CELF2: variants seen among roughly 807,000 people sequenced by gnomAD.
CELF2 encodes CUG triplet repeat RNA-binding protein 2.
In CELF2, 8 loss-of-function variants were observed where a neutral mutation model predicts 62.6. The ratio of observed to expected loss-of-function variants is 0.13; its 90% CI spans 0.07 to 0.23. CELF2 has a LOEUF of 0.23. Among genes scored for constraint, CELF2 ranks in the 10% least tolerant of loss-of-function variants. The pLI is 1.00. For synonymous variants in CELF2, 258 were observed against 250.0 expected, an observed-to-expected ratio of 1.03 and a Z score of -0.30; for missense variants, 333 against 671.0, an observed-to-expected ratio of 0.50 and a Z score of 5.56.
intron 1 of CELF2, among the ~76,000 whole-genome samples, chr10:11,074,382 C>T (rs1453556650): frequency 1.3e-5 from 2 of 152,124 alleles, no homozygotes; most frequent in African/African-American, 4.8e-5. Context: ...CTGTCGCTTC[C>T]AGCCTAGGTC....
the CELF2 span, among the ~76,000 whole-genome samples, chr10:10,472,069 C>T: frequency 4.0e-5 from 6 of 151,784 alleles, no homozygotes; most frequent in African/African-American, 9.6e-5. Context: ...AAGGTGCTTA[C>T]GAATAGTTTT....
At chr10:10,775,000 T>A in the CELF2 span, among the ~76,000 whole-genome samples, 3 of 152,024 alleles carry the variant, frequency 2.0e-5, no homozygotes, top group Non-Finnish European at 1.5e-5. Flanking sequence ...TGCCTCAGCC[T>A]CCCGAGTAGC....
chr10:10,571,567 G>A, the CELF2 span, among the ~76,000 whole-genome samples: 2 of 152,120 alleles, frequency 1.3e-5, no homozygotes, highest in Admixed American at 6.6e-5. Context: ...TAATAAAAGC[G>A]ACCATGGGTT....
At chr10:11,031,165 A>G (rs1246944931) in intron 1 of CELF2, among the ~76,000 whole-genome samples, 1 of 152,148 alleles carries the variant, frequency 6.6e-6, no homozygotes, top group Non-Finnish European at 1.5e-5. Context: ...CTCAGGTGGC[A>G]TTTTGTCCCC....
intron 2 of CELF2, among the ~76,000 whole-genome samples, chr10:11,195,965 G>A (rs3243): frequency 0.58 from 87,958 of 151,414 alleles, 26,790 homozygotes; most frequent in Non-Finnish European, 0.68. Flanking sequence ...TTTGAACATG[G>A]CAAAACAAAG....
At chr10:10,462,981 A>G in the CELF2 span, among the ~76,000 whole-genome samples, 2 of 152,258 alleles carry the variant, frequency 1.3e-5, no homozygotes, top group South Asian at 4.1e-4. Flanking sequence ...GGTACCTTGC[A>G]GACCATAACG....
At chr10:11,164,960 C>A in intron 1 of CELF2, 1 of 605,540 alleles carries the variant, frequency 1.7e-6, no homozygotes, top group Non-Finnish European at 2.1e-6. Flanking sequence ...GACGGACTGC[C>A]AAGTGTTTCA....
intron 1 of CELF2, among the ~76,000 whole-genome samples, chr10:11,058,978 T>G (rs950326959): frequency 6.6e-6 from 1 of 152,168 alleles, no homozygotes; most frequent in African/African-American, 2.4e-5. Context: ...ACGGGGGGTT[T>G]CGCCATCTTG....
At chr10:10,784,796 G>C in the CELF2 span, 2 of 152,236 alleles carry the variant, frequency 1.3e-5, no homozygotes, top group Non-Finnish European at 2.9e-5. Context: ...TTTCTGTTTT[G>C]AGGGTGGGGC....
chr10:10,601,010 C>T, the CELF2 span, among the ~76,000 whole-genome samples: 1 of 152,270 alleles, frequency 6.6e-6, no homozygotes, highest in African/African-American at 2.4e-5. Flanking sequence ...TCTGGGAAGA[C>T]ATCGTACAGC....
chr10:10,742,115 G>T, the CELF2 span, among the ~76,000 whole-genome samples: 2 of 152,160 alleles, frequency 1.3e-5, no homozygotes, highest in East Asian at 1.9e-4. Context: ...GTAATTGATA[G>T]GTTCTTGGAA....
intron 1 of CELF2, among the ~76,000 whole-genome samples, chr10:10,858,123 G>T (rs887663398): frequency 9.2e-5 from 14 of 152,196 alleles, no homozygotes; most frequent in Admixed American, 5.2e-4. Context: ...GTCCCAGAAA[G>T]GTTTGAGGAC....
the CELF2 span, among the ~76,000 whole-genome samples, chr10:10,623,529 G>A: frequency 1.3e-5 from 2 of 152,288 alleles, no homozygotes; most frequent in African/African-American, 4.8e-5. Flanking sequence ...CCTGGTTACA[G>A]CAGTCCCCAA....
At chr10:10,694,958 C>T in the CELF2 span, among the ~76,000 whole-genome samples, 5 of 151,262 alleles carry the variant, frequency 3.3e-5, no homozygotes, top group African/African-American at 1.2e-4. Flanking sequence ...GGTCTTGACT[C>T]TTTATCCAAT....
At chr10:11,194,326 A>G (rs992661813) in intron 2 of CELF2, among the ~76,000 whole-genome samples, 2 of 152,040 alleles carry the variant, frequency 1.3e-5, no homozygotes, top group Non-Finnish European at 2.9e-5. Flanking sequence ...GGCTTCCCAA[A>G]GTGCTGGGAT....
At chr10:11,312,489 A>G (rs1411430143) in intron 9 of CELF2, among the ~76,000 whole-genome samples, 1 of 152,256 alleles carries the variant, frequency 6.6e-6, no homozygotes, top group Non-Finnish European at 1.5e-5. Flanking sequence ...GCCTTAAAGT[A>G]TTCTCAGATC....
At chr10:10,833,253 T>C (rs1433756151) in intron 1 of CELF2, among the ~76,000 whole-genome samples, 2 of 152,228 alleles carry the variant, frequency 1.3e-5, no homozygotes, top group East Asian at 1.9e-4. Context: ...ACCTGGTTAA[T>C]GTAAACGAAG....
At chr10:11,184,188 T>A (rs1288165146) in intron 2 of CELF2, among the ~76,000 whole-genome samples, 2 of 152,216 alleles carry the variant, frequency 1.3e-5, no homozygotes, top group Non-Finnish European at 2.9e-5. Context: ...TGTATATGTG[T>A]CAAAAATCAG....
rs1451279588 is a variant in CELF2, at chr10:11,331,362, TTCCAGAA to T, written c.*2311_*2317del. 1 of 151,870 alleles carries T rather than the reference TTCCAGAA, an allele frequency of 6.6e-6. No individual in the cohort carries two copies. Among genetic ancestry groups the T allele is most frequent in the Non-Finnish European group, 1.5e-5 (1 of 67,922 alleles). 9.4% of individuals were successfully genotyped at this position (151,870 alleles called of 1,614,324 possible). On this transcript the variant is annotated 3_prime_UTR_variant, in exon 13 of 13. Transcript: ENST00000633077. ...ATGTGAGGGAAAAAAAAAAAACCTATTCCAGAATAAGTTTTGTGTTGGCTTGTGAAGC... is the reference window on the plus strand; with the variant it reads ...ATGTGAGGGAAAAAAAAAAAACCTATTAAGTTTTGTGTTGGCTTGTGAAGC...
Sources: allele counts gnomAD v4.1 joint callset (sites outside exome capture counted in the v4.1 genomes callset), GRCh38; gene constraint gnomAD v4.1.1; transcripts MANE v1.5; gene names NCBI Gene and HGNC (gene_info 2026-07-23, HGNC 2026-07-21).